Variants in ZMYND8 observed in about 807,000 individuals in gnomAD.
The protein encoded by ZMYND8 is zinc finger MYND-type containing 8, also known as MYND-type zinc finger-containing chromatin reader ZMYND8.
Under a neutral mutation model 140.8 loss-of-function variants are expected in ZMYND8, and 37 were observed. The ratio of observed to expected loss-of-function variants is 0.26; its 90% CI spans 0.20 to 0.35. The LOEUF is 0.35. Ranked by LOEUF, ZMYND8 falls within the 10% of genes least tolerant of loss-of-function variation. ZMYND8 has a pLI of 1.00. For synonymous variants in ZMYND8, 592 were observed against 597.1 expected (o/e 0.99, Z 0.12); for missense variants, 1,068 against 1,570.0 (o/e 0.68, Z 5.40).
chr20:47,321,429 C>G (rs760168380), intron 2 of ZMYND8, among the ~76,000 whole-genome samples: 5 of 152,138 alleles, frequency 3.3e-5, no homozygotes, highest in Non-Finnish European at 7.4e-5. Context: ...AGGGATGTTG[C>G]TAAACATTCT....
At chr20:47,320,961 T>C (rs2079896310) in intron 2 of ZMYND8, among the ~76,000 whole-genome samples, 1 of 152,158 alleles carries the variant, frequency 6.6e-6, no homozygotes, top group African/African-American at 2.4e-5. Flanking sequence ...ACGGGCATGG[T>C]CCAAAATCCA....
At chr20:47,238,532 T>A (rs1365899215) in intron 15 of ZMYND8, 1 of 730,094 alleles carries the variant, frequency 1.4e-6, no homozygotes, top group East Asian at 2.8e-5. Context: ...AATATATGCA[T>A]GTATCATTTA....
chr20:47,260,592 C>T (rs1163764585), intron 12 of ZMYND8, among the ~76,000 whole-genome samples: 1 of 152,194 alleles, frequency 6.6e-6, no homozygotes, highest in Non-Finnish European at 1.5e-5. Flanking sequence ...TAAACTTCAG[C>T]TCAAATATCG....
chr20:47,287,454 C>A (rs1337417536), intron 7 of ZMYND8, among the ~76,000 whole-genome samples, 170 bp from the exon 8 acceptor site: 1 of 152,138 alleles, frequency 6.6e-6, no homozygotes, highest in Non-Finnish European at 1.5e-5. Context: ...TTATGTGATT[C>A]CTCCCATCAA....
intron 2 of ZMYND8, among the ~76,000 whole-genome samples, chr20:47,337,036 A>C (rs1197713631): frequency 1.1e-5 from 1 of 93,740 alleles, no homozygotes; most frequent in Non-Finnish European, 1.9e-5. Context: ...ACTCTTATCA[A>C]AAAAAAAAAA....
intron 4 of ZMYND8, 145 bp from the exon 5 acceptor site, chr20:47,294,924 C>T: frequency 1.4e-6 from 1 of 699,630 alleles, no homozygotes; most frequent in Non-Finnish European, 2.4e-6. Context: ...GCAAAGACTC[C>T]TGGAACAAAA....
rs1332838733 is a variant in ZMYND8 at position 47,287,333 on chromosome 20, C to A, written c.749-49G>T. ...TAATTCTAATGGAAATACCGCAACA[C>A]CGGGCCTGGGGACTTTACTTCCGCT... On this transcript the variant is annotated intron_variant, in intron 7 of 22. Coordinates refer to ENST00000471951, the MANE Select transcript of ZMYND8 (RefSeq NM_001281775.3). 3 of 1,502,816 alleles carry A rather than the reference C, an allele frequency of 2.0e-6. No individual in the cohort carries two copies. In the South Asian group the frequency reaches 3.4e-5, roughly 17 times the overall value. The allele number at this position is 1,502,816 out of a possible 1,614,324, so 93.1% of individuals were successfully genotyped here.
chr20:47,306,571 G>A (rs1175237163), intron 3 of ZMYND8, among the ~76,000 whole-genome samples: 1 of 140,070 alleles, frequency 7.1e-6, no homozygotes, highest in Non-Finnish European at 1.5e-5. Context: ...TGGATTATTT[G>A]CCTTTTTTTT....
chr20:47,327,679 C>T (rs1185503186), intron 2 of ZMYND8, among the ~76,000 whole-genome samples: 1 of 152,118 alleles, frequency 6.6e-6, no homozygotes, highest in East Asian at 1.9e-4. Context: ...ATCACAAGAT[C>T]CCTCCACATA....
intron 18 of ZMYND8, among the ~76,000 whole-genome samples, chr20:47,226,279 T>C (rs2037700245): frequency 6.6e-6 from 1 of 152,182 alleles, no homozygotes; most frequent in African/African-American, 2.4e-5. Flanking sequence ...ACTTAGATGC[T>C]GACCACAAGT....
intron 2 of ZMYND8, among the ~76,000 whole-genome samples, chr20:47,313,446 C>T (rs1306147585): frequency 2.0e-5 from 3 of 151,348 alleles, no homozygotes; most frequent in Admixed American, 6.6e-5. Flanking sequence ...CATGGTGAAA[C>T]CCCGTCTCTA....
chr20:47,336,022 C>A (rs1172738773), intron 2 of ZMYND8, among the ~76,000 whole-genome samples: 1 of 152,178 alleles, frequency 6.6e-6, no homozygotes, highest in Non-Finnish European at 1.5e-5. Context: ...TACTGATGCT[C>A]ATTTTTTGAA....
At chr20:47,355,228 T>C (rs1186647396) in intron 1 of ZMYND8, among the ~76,000 whole-genome samples, 1 of 152,152 alleles carries the variant, frequency 6.6e-6, no homozygotes, top group East Asian at 1.9e-4. Context: ...TGACTCAGGG[T>C]AAACAGGAAG....
In ZMYND8 at chr20:47,342,554, A is replaced by C. The variant is rs184325111; in HGVS notation, c.85+5302T>G. Reference sequence around the variant, plus strand: ...CAGAGCGAGATTCTGTCTCAAAGAAAAAAAAAAAAAGCTGGGCACGGAGGC... The same window carrying C: ...CAGAGCGAGATTCTGTCTCAAAGAACAAAAAAAAAAGCTGGGCACGGAGGC... On this transcript the variant is annotated intron_variant, in intron 2 of 22. Coordinates refer to ENST00000471951, the MANE Select transcript of ZMYND8 (RefSeq NM_001281775.3). 2.6e-3 allele frequency among the ~76,000 whole-genome samples: 388 copies of C among 149,614 alleles called. 3 individuals are homozygous for C. The highest frequency in any genetic ancestry group is 8.7e-3 in the African/African-American group (351 of 40,564).
In ZMYND8 at chr20:47,298,152, T is replaced by C. The variant is rs2077765061; in HGVS notation, c.453+577A>G. 3 of 547,060 alleles carry C rather than the reference T, an allele frequency of 5.5e-6. No homozygotes were observed. Among genetic ancestry groups the C allele is most frequent in the Non-Finnish European group, 7.0e-6 (3 of 429,610 alleles). 33.9% of individuals were successfully genotyped at this position (547,060 alleles called of 1,614,324 possible). ...TCTTTTAATTCATTATATGGAACTTTATTTATTTTGGTTTTTGTCCTTTTC... is the reference window on the plus strand; with the variant it reads ...TCTTTTAATTCATTATATGGAACTTCATTTATTTTGGTTTTTGTCCTTTTC... On this transcript the variant is annotated intron_variant, in intron 4 of 22. Transcript: ENST00000471951. The surrounding 1 kb of genome is among the most constrained non-coding windows in gnomAD (Gnocchi z 5.0).
rs1377225215 is a variant in ZMYND8 at position 47,298,768 on chromosome 20, T to C, written c.414A>G (p.Thr138=). 11 of 1,614,100 alleles carry C rather than the reference T, an allele frequency of 6.8e-6. No individual in the cohort carries two copies. Among genetic ancestry groups the C allele is most frequent in the Non-Finnish European group, 7.6e-6 (9 of 1,180,000 alleles). ...AAAACCAGTCCCCCTCTGGTTCCGA[T>C]GTCAGTCTCAGACACTTAGCGTGAT... ...RVYHAKCLRL[T]SEPEGDWFCP... Residue 138 remains threonine (T), a synonymous_variant, in exon 4 of 23, where the codon ACA becomes ACG. Transcript: ENST00000471951. The surrounding 1 kb of genome is among the most constrained non-coding windows in gnomAD (Gnocchi z 5.0).
At chr20:47,276,973 T>C (rs3746484) in intron 10 of ZMYND8, among the ~76,000 whole-genome samples, 178 bp from the exon 11 acceptor site, 26,614 of 150,910 alleles carry the variant, frequency 0.18, 2,843 homozygotes, top group African/African-American at 0.29. Flanking sequence ...ACAAGCATGT[T>C]CTACCATAAC....
intron 2 of ZMYND8, among the ~76,000 whole-genome samples, chr20:47,347,210 A>C (rs1161412922): frequency 6.6e-6 from 1 of 152,238 alleles, no homozygotes; most frequent in Non-Finnish European, 1.5e-5. Flanking sequence ...CCCTGAAGGT[A>C]AAAGTGAATA....
chr20:47,307,178 C>G (rs563689128), intron 3 of ZMYND8, among the ~76,000 whole-genome samples: 1 of 152,094 alleles, frequency 6.6e-6, no homozygotes, highest in East Asian at 1.9e-4. Flanking sequence ...TGGCCAGGCA[C>G]GGTGGCTCAT....
Sources: gnomAD v4.1 joint callset for allele counts (sites outside exome capture counted in the v4.1 genomes callset) on GRCh38, gnomAD v4.1.1 for gene constraint, Gnocchi (gnomAD v3.1) non-coding constraint, MANE v1.5 for transcripts, NCBI Gene and HGNC (gene_info 2026-07-23, HGNC 2026-07-21) for gene names.